Variants in ERG observed in about 807,000 individuals in gnomAD.
ERG encodes ETS transcription factor ERG, also known as transcriptional regulator ERG.
In ERG, 9 loss-of-function variants were observed where a neutral mutation model predicts 55.3. That is an observed-to-expected ratio of 0.16 (90% CI 0.10 to 0.28). ERG has a LOEUF of 0.28. ERG is among the 10% of genes least tolerant of loss of function. The pLI is 1.00. For missense variants in ERG, 434 were observed against 631.6 expected, an observed-to-expected ratio of 0.69 and a Z score of 3.35; for synonymous variants, 223 against 237.3, an observed-to-expected ratio of 0.94 and a Z score of 0.55.
chr21:38,595,708 A>G (rs1483959347), intron 1 of ERG, among the ~76,000 whole-genome samples: 1 of 152,156 alleles, frequency 6.6e-6, no homozygotes, highest in African/African-American at 2.4e-5. Context: ...GTGATGAAGA[A>G]TGGAGAGAGA....
chr21:38,512,415 T>C (rs1358604858), intron 2 of ERG, among the ~76,000 whole-genome samples: 2 of 152,244 alleles, frequency 1.3e-5, no homozygotes, highest in Non-Finnish European at 1.5e-5. Flanking sequence ...TAGAAATCTA[T>C]TTTTTAGAAA....
At chr21:38,433,230 CA>C (rs1356003341) in intron 2 of ERG, among the ~76,000 whole-genome samples, 1 of 152,182 alleles carries the variant, frequency 6.6e-6, no homozygotes, top group Non-Finnish European at 1.5e-5. Context: ...GGAAACCAGA[CA>C]AAAAGTCCCC....
chr21:38,620,334 A>G (rs534244239), intron 1 of ERG, among the ~76,000 whole-genome samples: 2,519 of 152,286 alleles, frequency 0.017, 37 homozygotes, highest in Middle Eastern at 0.065. Flanking sequence ...CAGGACGTAA[A>G]AACAATGCCA....
chr21:38,483,405 T>C (rs2059255337), intron 1 of ERG, among the ~76,000 whole-genome samples: 1 of 152,172 alleles, frequency 6.6e-6, no homozygotes, highest in African/African-American at 2.4e-5. Flanking sequence ...GTTGTACACC[T>C]TAAATATATA....
chr21:38,406,175 A>AAAAAAAAAAAAAAAAAAAAC (rs1988762668), intron 3 of ERG, among the ~76,000 whole-genome samples: 1 of 139,234 alleles, frequency 7.2e-6, no homozygotes, highest in Non-Finnish European at 1.6e-5. Flanking sequence ...AAAAAAAAAA[A>AAAAAAAAAAAAAAAAAAAAC]TCATCAGTGC....
chr21:38,446,546 T>C (rs1381072419), intron 1 of ERG, among the ~76,000 whole-genome samples: 1 of 152,214 alleles, frequency 6.6e-6, no homozygotes, highest in Non-Finnish European at 1.5e-5. Context: ...GCTGTTGTGA[T>C]ACAATCCAAT....
intron 1 of ERG, among the ~76,000 whole-genome samples, chr21:38,453,610 C>T (rs2058961027): frequency 6.6e-6 from 1 of 152,080 alleles, no homozygotes; most frequent in South Asian, 2.1e-4. Context: ...TGGCTGGGTG[C>T]AGTGGCTCAC....
At chr21:38,437,469 T>C (rs1076817) in intron 2 of ERG, among the ~76,000 whole-genome samples, 18,771 of 152,132 alleles carry the variant, frequency 0.12, 1,482 homozygotes, top group East Asian at 0.22. Context: ...GGGGGCCACA[T>C]CACGATGGTT....
intron 2 of ERG, among the ~76,000 whole-genome samples, chr21:38,515,677 A>G (rs1270562380): frequency 1.3e-5 from 2 of 152,032 alleles, no homozygotes; most frequent in African/African-American, 4.8e-5. Context: ...GCATGGATAC[A>G]GGCCAATATT....
chr21:38,489,714 C>T (rs979368407), intron 1 of ERG, among the ~76,000 whole-genome samples: 1 of 152,252 alleles, frequency 6.6e-6, no homozygotes, highest in Non-Finnish European at 1.5e-5. Flanking sequence ...GTAGGCCAAG[C>T]CTCCTGGTCC....
intron 2 of ERG, among the ~76,000 whole-genome samples, chr21:38,505,599 G>A (rs1428824689): frequency 6.6e-6 from 1 of 152,192 alleles, no homozygotes; most frequent in Non-Finnish European, 1.5e-5. Flanking sequence ...AGGAGTACTA[G>A]AAATGTTCTT....
intron 1 of ERG, among the ~76,000 whole-genome samples, chr21:38,638,866 G>A (rs1266781814): frequency 6.6e-6 from 1 of 152,098 alleles, no homozygotes; most frequent in African/African-American, 2.4e-5. Flanking sequence ...GTGCCTAGCA[G>A]GTAATTTAGG....
At chr21:38,450,719 C>T (rs1601420301) in intron 1 of ERG, among the ~76,000 whole-genome samples, 1 of 152,188 alleles carries the variant, frequency 6.6e-6, no homozygotes, top group South Asian at 2.1e-4. Context: ...TTACAAGATA[C>T]ACCACTTGTC....
At chr21:38,431,760 C>A (rs1242025832) in intron 2 of ERG, among the ~76,000 whole-genome samples, 3 of 152,178 alleles carry the variant, frequency 2.0e-5, no homozygotes. Context: ...TTTCTCGGGG[C>A]TTCTCATGAA....
intron 1 of ERG, among the ~76,000 whole-genome samples, chr21:38,463,457 A>G (rs1569119154): frequency 6.6e-6 from 1 of 151,998 alleles, no homozygotes; most frequent in East Asian, 1.9e-4. Context: ...ACTTTTTTCT[A>G]TTTTTTCTCT....
At chr21:38,600,446 C>T (rs933067426) in intron 1 of ERG, among the ~76,000 whole-genome samples, 34 of 152,262 alleles carry the variant, frequency 2.2e-4, no homozygotes, top group African/African-American at 7.2e-4. Context: ...TAGTGTCTCC[C>T]GGTCCCTGTT....
chr21:38,621,298 C>T (rs1448680546), intron 1 of ERG, among the ~76,000 whole-genome samples: 3 of 152,174 alleles, frequency 2.0e-5, no homozygotes, highest in Non-Finnish European at 4.4e-5. Flanking sequence ...TTGTGCTTGC[C>T]TGGCAGTAGA....
At chr21:38,472,944 C>T (rs901942664) in intron 1 of ERG, among the ~76,000 whole-genome samples, 1 of 152,158 alleles carries the variant, frequency 6.6e-6, no homozygotes, top group Admixed American at 6.5e-5. Context: ...TGCAGCCCAT[C>T]TCGGCCCTTG....
intron 3 of ERG, among the ~76,000 whole-genome samples, chr21:38,407,275 T>C (rs1180221757): frequency 6.6e-6 from 1 of 152,228 alleles, no homozygotes; most frequent in Admixed American, 6.5e-5. Flanking sequence ...AGTTTTGTAA[T>C]GCATTTAGGA....
Sources: allele counts gnomAD v4.1 joint callset (sites outside exome capture counted in the v4.1 genomes callset), GRCh38; gene constraint gnomAD v4.1.1; transcripts MANE v1.5; gene names NCBI Gene and HGNC (gene_info 2026-07-23, HGNC 2026-07-21).